TCN1: variants seen among roughly 807,000 people sequenced by gnomAD.
TCN1 encodes the protein transcobalamin 1.
TCN1 carries 47 observed loss-of-function variants against 46.3 expected under a neutral mutation model. The ratio of observed to expected loss-of-function variants is 1.01; its 90% CI spans 0.80 to 1.29. TCN1 has a LOEUF of 1.29. Ranked by LOEUF, TCN1 falls within the 50% of genes most tolerant of loss-of-function variation. The pLI, the probability that TCN1 is intolerant of heterozygous loss-of-function variation, is 0.00. For missense variants in TCN1, 532 were observed against 511.0 expected, an observed-to-expected ratio of 1.04 and a Z score of -0.40; for synonymous variants, 183 against 192.5, an observed-to-expected ratio of 0.95 and a Z score of 0.41.
rs1852925128 is a variant in TCN1 at position 59,855,869 on chromosome 11, C to G, written c.937G>C (p.Gly313Arg). The change falls in exon 6 of 9, where the codon GGT (glycine) becomes CGT (arginine). Residue 313 changes from glycine (G) to arginine (R), a missense_variant and splice_region_variant. Transcript: ENST00000257264. ...NKDSSCVSAS[G>R]NFNISADEPI... Reference sequence around the variant, plus strand: ...AGTGTGCTCTCTTTAATGCTTATACCTGAAGCAGAGACGCAAGAAGAGTCT... The same window carrying G: ...AGTGTGCTCTCTTTAATGCTTATACGTGAAGCAGAGACGCAAGAAGAGTCT... The G allele has an allele frequency of 6.2e-7, 1 of 1,613,584 alleles. No individual in the cohort carries two copies. The highest frequency in any genetic ancestry group is 1.7e-5 in the Admixed American group (1 of 59,976).
At chr11:59,858,772 C>T (rs575192826) in intron 5 of TCN1, among the ~76,000 whole-genome samples, 13 of 152,228 alleles carry the variant, frequency 8.5e-5, no homozygotes, top group Non-Finnish European at 1.2e-4. Flanking sequence ...AGTTCGAGAC[C>T]GGCCTGGCCA....
chr11:59,859,410 T>C, intron 4 of TCN1, 143 bp from the exon 5 acceptor site: 1 of 829,268 alleles, frequency 1.2e-6, no homozygotes, highest in East Asian at 2.6e-5. Context: ...TGCTAATTGG[T>C]GAAGAAAGAT....
chr11:59,862,143 GT>G (rs1422661448), intron 3 of TCN1, among the ~76,000 whole-genome samples: 12 of 152,208 alleles, frequency 7.9e-5, no homozygotes, highest in African/African-American at 2.7e-4. Flanking sequence ...ACCATGGCCG[GT>G]TGATTTTTCC....
intron 4 of TCN1, among the ~76,000 whole-genome samples, 162 bp from the exon 5 acceptor site, chr11:59,859,429 A>G (rs948044753): frequency 6.6e-6 from 1 of 152,236 alleles, no homozygotes; most frequent in African/African-American, 2.4e-5. Flanking sequence ...ATTTCAAGAT[A>G]CAGCAATCAT....
chr11:59,863,460 A>G (rs959045041), intron 2 of TCN1, among the ~76,000 whole-genome samples: 2 of 152,110 alleles, frequency 1.3e-5, no homozygotes, highest in Non-Finnish European at 2.9e-5. Context: ...TGAGGTAGGT[A>G]AGAGTGGCTT....
intron 3 of TCN1, 116 bp downstream of exon 3, chr11:59,862,465 AC>A: frequency 7.7e-7 from 1 of 1,304,252 alleles, no homozygotes. Flanking sequence ...GCCCTCAAAG[AC>A]ATAGTGAGAT....
Position 59,859,161 on chromosome 11 carries a change from T to C in TCN1, c.663A>G (p.Thr221=), listed in dbSNP as rs952564366. The C allele has an allele frequency of 1.2e-6, 2 of 1,614,060 alleles. No individual in the cohort carries two copies. The highest frequency in any genetic ancestry group is 2.7e-5 in the African/African-American group (2 of 74,944). The change falls in exon 5 of 9, where the codon ACA becomes ACG. Residue 221 remains threonine, a synonymous_variant. Transcript: ENST00000257264. The stretch of plus-strand genomic sequence containing the variant: ...ACAGAATCTTTTCTACCAGTGACTT[T>C]GTATAAATACTGATGTTCTTTAAAC... ...EGSLKNISIY[T]KSLVEKILSE... is the part of the protein sequence containing the mutation.
intron 6 of TCN1, among the ~76,000 whole-genome samples, chr11:59,855,287 G>A (rs554625977): frequency 1.3e-5 from 2 of 152,182 alleles, no homozygotes; most frequent in Admixed American, 1.3e-4. Context: ...TACTGTCCTT[G>A]TTCCCAACTT....
intron 7 of TCN1, among the ~76,000 whole-genome samples, chr11:59,853,835 C>T (rs1163085421): frequency 6.6e-6 from 1 of 152,122 alleles, no homozygotes; most frequent in East Asian, 1.9e-4. Flanking sequence ...TTTCTACCTC[C>T]CTTAAAGCCC....
chr11:59,861,652 T>C lies in TCN1; in HGVS notation c.431A>G (p.Tyr144Cys), dbSNP rs771394635. Residue 144 changes from tyrosine to cysteine, a missense_variant, in exon 4 of 9, where the codon TAC becomes TGC. Physicochemically the swap from Tyr to Cys is radical, Grantham distance 194 (BLOSUM62 -2). Coordinates refer to ENST00000257264, the MANE Select transcript of TCN1 (RefSeq NM_001062.4). ...EAHNGTPLTN[Y>C]YQLSLDVLAL... ...CAAAACGTCCAGGCTGAGCTGGTAG[T>C]AGTTAGTCAGGGGAGTGCCATTGTG... is the stretch of plus-strand genomic sequence containing the variant. The C allele has an allele frequency of 1.9e-6, 3 of 1,614,136 alleles. No individual in the cohort carries two copies. The highest frequency in any genetic ancestry group is 1.1e-5 in the South Asian group (1 of 91,086).
intron 2 of TCN1, 34 bp from the exon 3 acceptor site, chr11:59,862,756 C>T: frequency 6.2e-7 from 1 of 1,611,250 alleles, no homozygotes; most frequent in Non-Finnish European, 8.5e-7. Context: ...TAATAAGGTA[C>T]AGGCTTGTGA....
chr11:59,864,664 T>C (rs1853053433), intron 1 of TCN1, among the ~76,000 whole-genome samples: 3 of 152,030 alleles, frequency 2.0e-5, no homozygotes, highest in Admixed American at 1.3e-4. Flanking sequence ...TGTAAAAAAC[T>C]CTCCAGTTTT....
rs560596044 is a variant in TCN1 at position 59,861,590 on chromosome 11, C to T, written c.493G>A (p.Glu165Lys). The T allele has an allele frequency of 7.8e-5, 126 of 1,614,140 alleles. 1 individual carries two copies. In the South Asian group the frequency reaches 1.2e-3, roughly 15 times the overall value. The change falls in exon 4 of 9, where the codon GAA becomes AAA. Residue 165 changes from glutamate (E) to lysine (K), a missense_variant. Transcript: ENST00000257264. ...CLFNGNYSTA[E>K]VVNHFTPENK... is the part of the protein sequence containing the mutation. The stretch of plus-strand genomic sequence containing the variant: ...TCAGGAGTGAAGTGGTTGACAACTT[C>T]GGCGGTTGAGTAGTTCCCATTGAAC...
intron 4 of TCN1, among the ~76,000 whole-genome samples, chr11:59,859,739 T>A (rs56807325): frequency 0.062 from 9,445 of 152,162 alleles, 929 homozygotes; most frequent in African/African-American, 0.21. Context: ...CTCCTGGAGG[T>A]TTAGAGAGTG....
rs775708483 is a variant in TCN1 at position 59,852,931 on chromosome 11, C to T, written c.*44G>A. Reference sequence around the variant, plus strand: ...GCATAAGGACAATAAACATGGAACTCCACTGCAAATGGATTTTATGCAGCT... The same window carrying T: ...GCATAAGGACAATAAACATGGAACTTCACTGCAAATGGATTTTATGCAGCT... On this transcript the variant is annotated 3_prime_UTR_variant, in exon 9 of 9. Transcript: ENST00000257264. The T allele has an allele frequency of 6.4e-7, 1 of 1,572,476 alleles. No individual in the cohort carries two copies. The highest frequency in any genetic ancestry group is 8.8e-7 in the Non-Finnish European group (1 of 1,142,078).
chr11:59,866,384 T>G lies in TCN1; in HGVS notation c.79+8A>C. ...CTCTAGAGTAATTTTAGCTCAAAGT[T>G]TACTCACCACAAATCTCGCATAGTT... is the stretch of plus-strand genomic sequence containing the variant. On this transcript the variant is annotated splice_region_variant and intron_variant, in intron 1 of 8. Transcript: ENST00000257264. 6.2e-7 allele frequency: 1 copy of G among 1,613,188 alleles called. No individual in the cohort carries two copies. The highest frequency in any genetic ancestry group is 1.1e-5 in the South Asian group (1 of 91,062).
rs2135107813 is a variant in TCN1 at position 59,859,205 on chromosome 11, T to C, written c.619A>G (p.Ile207Val). Residue 207 changes from isoleucine to valine, a missense_variant, in exon 5 of 9, where the codon ATC becomes GTC. Ile to Val is a conservative substitution (Grantham distance 29, BLOSUM62 3). Coordinates refer to ENST00000257264, the MANE Select transcript of TCN1 (RefSeq NM_001062.4). ...TTTAAACTGCCTTCATCTGCTTTGA[T>C]CTGCCCATTTATTAGACTCTTCTTC... Reference protein sequence around the residue: ...CVKKSLINGQIKADEGSLKNI... With the variant: ...CVKKSLINGQVKADEGSLKNI... 2 of 1,614,026 alleles carry C rather than the reference T, an allele frequency of 1.2e-6. No homozygotes were observed. The highest frequency in any genetic ancestry group is 1.3e-5 in the African/African-American group (1 of 75,064).
chr11:59,865,341 C>T (rs1193860702), intron 1 of TCN1, among the ~76,000 whole-genome samples: 3 of 152,128 alleles, frequency 2.0e-5, no homozygotes, highest in Non-Finnish European at 4.4e-5. Context: ...AAATCAGCTT[C>T]CTTGAGTCTC....
chr11:59,856,131 A>T, intron 5 of TCN1, 73 bp from the exon 6 acceptor site: 1 of 1,241,324 alleles, frequency 8.1e-7, no homozygotes, highest in Admixed American at 1.7e-5. Flanking sequence ...AGACACTTCA[A>T]ATAAGGGGGA....
Sources: allele counts gnomAD v4.1 joint callset (sites outside exome capture counted in the v4.1 genomes callset), GRCh38; gene constraint gnomAD v4.1.1; transcripts MANE v1.5; gene names NCBI Gene and HGNC (gene_info 2026-07-23, HGNC 2026-07-21).